The following AMACR variants were observed in gnomAD, a reference collection of about 807,000 sequenced individuals.
The protein encoded by AMACR is 2-methylacyl-CoA racemase.
AMACR carries 18 observed loss-of-function variants against 22.2 expected under a neutral mutation model. That is an observed-to-expected ratio of 0.81 (90% confidence interval 0.56 to 1.20). AMACR has a LOEUF of 1.20. AMACR is among the 50% of genes most tolerant of loss of function. The pLI, the probability that AMACR is intolerant of heterozygous loss-of-function variation, is 0.00. For missense variants in AMACR, 499 were observed against 490.6 expected, an observed-to-expected ratio of 1.02 and a Z score of -0.16; for synonymous variants, 213 against 191.3, an observed-to-expected ratio of 1.11 and a Z score of -0.94.
Position 33,988,181 on chromosome 5 carries a change from C to T in AMACR, c.*912G>A. 2.5e-6 allele frequency: 2 copies of T among 815,932 alleles called. No individual in the cohort carries two copies. Among genetic ancestry groups the T allele is most frequent in the South Asian group, 3.8e-5 (2 of 52,320 alleles). 50.5% of individuals were successfully genotyped at this position (815,932 alleles called of 1,614,324 possible). On this transcript the variant is annotated 3_prime_UTR_variant, in exon 5 of 5. Transcript: ENST00000335606. ...TTAGGAAGTTGAGTCCAGGGAAGCT[C>T]CAGGAGCAGGCTGGTTTTATGTAAA...
intron 4 of AMACR, chr5:33,996,868 G>A (rs1178293171): frequency 1.2e-5 from 4 of 346,590 alleles, no homozygotes; most frequent in Non-Finnish European, 1.6e-5. Flanking sequence ...TTCGGTGGCT[G>A]CACATGCCAA....
chr5:33,990,183 T>C (rs1407926408), intron 4 of AMACR, among the ~76,000 whole-genome samples: 3 of 152,132 alleles, frequency 2.0e-5, no homozygotes. Context: ...CAAACATACA[T>C]ACATTTTTAA....
Position 33,989,516 on chromosome 5 carries a change from C to T in AMACR, c.740-14G>A. ...TTAGTCCAAGTCCTGAGGAAAAATA[C>T]AATTTCCTAAATTATTATGCTTTGA... On this transcript the variant is annotated splice_polypyrimidine_tract_variant and intron_variant, in intron 4 of 4. Transcript: ENST00000335606. 2 of 1,595,158 alleles carry T rather than the reference C, an allele frequency of 1.3e-6. No homozygotes were observed. Among genetic ancestry groups the T allele is most frequent in the South Asian group, 1.1e-5 (1 of 90,686 alleles).
rs1477430778 is a variant in AMACR at position 33,988,361 on chromosome 5, C to A, written c.*732G>T. 1.9e-6 allele frequency: 3 copies of A among 1,540,340 alleles called. No individual in the cohort carries two copies. The highest frequency in any genetic ancestry group is 2.4e-5 in the South Asian group (2 of 84,194). ...TATAAGATCCAGAACTTGCTACCAG[C>A]CTGAGGAGAAATCAAACACATGGAG... On this transcript the variant is annotated 3_prime_UTR_variant, in exon 5 of 5. Coordinates refer to ENST00000335606, the MANE Select transcript of AMACR (RefSeq NM_014324.6).
intron 4 of AMACR, among the ~76,000 whole-genome samples, chr5:33,991,841 C>T (rs1348527955): frequency 4.0e-5 from 6 of 151,578 alleles, no homozygotes; most frequent in Admixed American, 1.3e-4. Flanking sequence ...CCCAGGTTCA[C>T]GCCATTCTTC....
rs1561379069 is a variant in AMACR at position 33,988,324 on chromosome 5, CTG to C, written c.*767_*768del. 13 of 1,541,366 alleles carry C rather than the reference CTG, an allele frequency of 8.4e-6. No individual in the cohort carries two copies. The highest frequency in any genetic ancestry group is 1.9e-5 in the Admixed American group (1 of 51,392). ...CTGAGATCTTTATTTCTGGATGTTG[CTG>C]TGTGTTGGGTATAAGATCCAGAACT... is the stretch of plus-strand genomic sequence containing the variant. On this transcript the variant is annotated 3_prime_UTR_variant, in exon 5 of 5. Transcript: ENST00000335606.
In AMACR at chr5:33,998,834, G is replaced by A; in HGVS notation, c.553-7C>T. ...AATATGCTGTTCCTTCCACCTTTGAGAAAACAGAATACAAGACAAATCCAG... is the reference window on the plus strand; with the variant it reads ...AATATGCTGTTCCTTCCACCTTTGAAAAAACAGAATACAAGACAAATCCAG... On this transcript the variant is annotated splice_region_variant and splice_polypyrimidine_tract_variant and intron_variant, in intron 3 of 4. Transcript: ENST00000335606. 4 of 1,613,512 alleles carry A rather than the reference G, an allele frequency of 2.5e-6. No homozygotes were observed. The highest frequency in any genetic ancestry group is 1.1e-5 in the South Asian group (1 of 91,062).
intron 4 of AMACR, among the ~76,000 whole-genome samples, chr5:33,991,365 T>C (rs972720974): frequency 1.1e-4 from 17 of 152,116 alleles, no homozygotes; most frequent in African/African-American, 3.9e-4. Context: ...CTCCTGACAC[T>C]CCAATATGGA....
In AMACR at chr5:33,986,603, T is replaced by G. The variant is rs1361496878; in HGVS notation, c.*2490A>C. On this transcript the variant is annotated 3_prime_UTR_variant, in exon 5 of 5. Transcript: ENST00000335606. Reference sequence around the variant, plus strand: ...ATGGGGCTACATTTCCAGGGTTCCCTTGTTTTCTGGCTTCTAGGTAGATTT... The same window carrying G: ...ATGGGGCTACATTTCCAGGGTTCCCGTGTTTTCTGGCTTCTAGGTAGATTT... 6.6e-6 allele frequency: 1 copy of G among 152,276 alleles called. No homozygotes were observed. The highest frequency in any genetic ancestry group is 2.4e-5 in the African/African-American group (1 of 41,464). The allele number at this position is 152,276 out of a possible 1,614,324, so 9.4% of individuals were successfully genotyped here. A position where few individuals can be genotyped will look rare whatever the true frequency, so the allele number is the denominator to read the frequency against.
At chr5:34,003,819 A>G (rs180672408) in intron 3 of AMACR, among the ~76,000 whole-genome samples, 1 of 152,308 alleles carries the variant, frequency 6.6e-6, no homozygotes, top group African/African-American at 2.4e-5. Context: ...CTGTACCTCC[A>G]GTCTTGTCTC....
Position 33,987,662 on chromosome 5 carries a change from T to A in AMACR, c.*1431A>T, listed in dbSNP as rs1246605526. On this transcript the variant is annotated 3_prime_UTR_variant, in exon 5 of 5. Transcript: ENST00000335606. Reference sequence around the variant, plus strand: ...ATCAAGTACTATATGGACACCAACATGGAGCAGAAAATGAGGGCAGCAGTG... The same window carrying A: ...ATCAAGTACTATATGGACACCAACAAGGAGCAGAAAATGAGGGCAGCAGTG... 1 of 152,214 alleles carries A rather than the reference T, an allele frequency of 6.6e-6. No homozygotes were observed. The allele number at this position is 152,214 out of a possible 1,614,324, so 9.4% of individuals were successfully genotyped here.
At chr5:34,007,720 C>A in intron 1 of AMACR, 53 bp downstream of exon 1, 1 of 1,497,956 alleles carries the variant, frequency 6.7e-7, no homozygotes, top group Non-Finnish European at 8.9e-7. Context: ...AACGGCCAGG[C>A]CCCTCCCCTC....
At chr5:33,994,147 A>G (rs1191371792) in intron 4 of AMACR, 7 of 443,988 alleles carry the variant, frequency 1.6e-5, no homozygotes, top group East Asian at 7.0e-5. Flanking sequence ...AGTAAATTAG[A>G]TATGTAATTA....
Position 33,986,219 on chromosome 5 carries a change from C to CCA in AMACR, c.*2872_*2873dup, listed in dbSNP as rs1156875320. ...CATTCTATTTTTTACTACAAGTTTTCCACACACACAGCTCAGGAGTGAAAT... is the reference window on the plus strand; with the variant it reads ...CATTCTATTTTTTACTACAAGTTTTCCACACACACACAGCTCAGGAGTGAAAT... On this transcript the variant is annotated 3_prime_UTR_variant, in exon 5 of 5. Transcript: ENST00000335606. 1 of 152,126 alleles carries CCA rather than the reference C, an allele frequency of 6.6e-6. No homozygotes were observed. Among genetic ancestry groups the CCA allele is most frequent in the African/African-American group, 2.4e-5 (1 of 41,410 alleles). The allele number at this position is 152,126 out of a possible 1,614,324, so 9.4% of individuals were successfully genotyped here.
chr5:34,006,884 C>G (rs1446513300), intron 1 of AMACR, among the ~76,000 whole-genome samples: 4 of 152,228 alleles, frequency 2.6e-5, no homozygotes, highest in African/African-American at 9.6e-5. Flanking sequence ...TGGCAGCTGT[C>G]TGAGAATCCA....
chr5:33,988,941 T>C lies in AMACR; in HGVS notation c.*152A>G. ...GATAACCATTTTTAGAATTCAATCA[T>C]CACTGTAGAATCAGAGTCTGTAATT... On this transcript the variant is annotated 3_prime_UTR_variant, in exon 5 of 5. Transcript: ENST00000335606. The C allele has an allele frequency of 6.8e-7, 1 of 1,467,638 alleles. No homozygotes were observed. The highest frequency in any genetic ancestry group is 9.0e-7 in the Non-Finnish European group (1 of 1,114,604). 90.9% of individuals were successfully genotyped at this position (1,467,638 alleles called of 1,614,324 possible). A position where few individuals can be genotyped will look rare whatever the true frequency, so the allele number is the denominator to read the frequency against.
At chr5:34,005,541 T>C (rs112431539) in intron 2 of AMACR, among the ~76,000 whole-genome samples, 1 of 152,190 alleles carries the variant, frequency 6.6e-6, no homozygotes, top group Non-Finnish European at 1.5e-5. Flanking sequence ...GTAGTGGGCA[T>C]GTATTAACCT....
At chr5:33,997,472 C>T (rs1337173787) in intron 4 of AMACR, 5 of 779,538 alleles carry the variant, frequency 6.4e-6, no homozygotes, top group East Asian at 4.8e-5. Flanking sequence ...TTGCCTGGCA[C>T]GATACTGCTT....
Position 34,004,488 on chromosome 5 carries a change from GTCT to G in AMACR, c.552+83_552+85del, listed in dbSNP as rs34401823. 9.8e-4 allele frequency: 1,511 copies of G among 1,546,608 alleles called. 12 individuals carry two copies. The African/African-American group carries it at 0.017, about 17-fold the overall frequency. On this transcript the variant is annotated intron_variant, in intron 3 of 4. Transcript: ENST00000335606. ...AAACTTCAAATGTCATTTATCTCTT[GTCT>G]TCTTCTTCAAAAAAAGGATTTTAAG...
Sources: gnomAD v4.1 joint callset for allele counts (sites outside exome capture counted in the v4.1 genomes callset) on GRCh38, gnomAD v4.1.1 for gene constraint, MANE v1.5 for transcripts, NCBI Gene and HGNC (gene_info 2026-07-23, HGNC 2026-07-21) for gene names.